Variants in CHL1 observed in about 807,000 individuals in gnomAD.
The protein encoded by CHL1 is cell adhesion molecule L1 like, also known as neural cell adhesion molecule L1-like protein.
A neutral mutation model predicts 141.9 loss-of-function variants in CHL1; 96 were observed. That is an observed-to-expected ratio of 0.68 (90% confidence interval 0.57 to 0.80). CHL1 has a LOEUF of 0.80. CHL1 is among the 30% of genes least tolerant of loss of function. CHL1 has a pLI of 0.00. For synonymous variants in CHL1, 613 were observed against 502.2 expected (o/e 1.22, Z -2.95); for missense variants, 1,820 against 1,457.2 (o/e 1.25, Z -4.05).
chr3:257,396 C>T (rs552175892), intron 2 of CHL1, among the ~76,000 whole-genome samples: 1 of 149,438 alleles, frequency 6.7e-6, no homozygotes, highest in Admixed American at 6.7e-5. Flanking sequence ...CTCTGTAGTC[C>T]AGGCTGGAGT....
chr3:297,478 A>AT (rs1231447462), intron 2 of CHL1, among the ~76,000 whole-genome samples: 1 of 152,232 alleles, frequency 6.6e-6, no homozygotes, highest in African/African-American at 2.4e-5. Context: ...TGATCTCCAA[A>AT]TTATAAATGT....
intron 2 of CHL1, among the ~76,000 whole-genome samples, chr3:284,559 G>C (rs1696959775): frequency 1.3e-5 from 2 of 152,158 alleles, no homozygotes. Flanking sequence ...GTGAAAACTG[G>C]TAAGACATTG....
chr3:397,412 G>A (rs1006337086), intron 24 of CHL1, among the ~76,000 whole-genome samples: 3 of 151,856 alleles, frequency 2.0e-5, no homozygotes, highest in Non-Finnish European at 4.4e-5. Flanking sequence ...ACTTAAAATA[G>A]CATTTCATAA....
intron 1 of CHL1, chr3:197,562 C>G (rs6442651): frequency 0.16 from 51,669 of 321,778 alleles, 5,148 homozygotes; most frequent in Non-Finnish European, 0.2. Context: ...GTGTGTGGGG[C>G]TCAGACCCCC....
chr3:337,180 C>CTTTTTT, intron 5 of CHL1, among the ~76,000 whole-genome samples: 1 of 113,288 alleles, frequency 8.8e-6, no homozygotes, highest in African/African-American at 3.4e-5. Flanking sequence ...TCCAAACATT[C>CTTTTTT]TTTTGTTTTT....
In CHL1 at chr3:382,354, C is replaced by G. The variant is rs563852408; in HGVS notation, c.1978+74C>G. On this transcript the variant is annotated intron_variant, in intron 17 of 27. Coordinates refer to ENST00000256509, the MANE Select transcript of CHL1 (RefSeq NM_006614.4). ...TAATAGCGAAGTCACTTTTTAACCA[C>G]TCTTACTGGTTTATTCTTCTTATAA... The G allele has an allele frequency of 2.0e-6, 3 of 1,472,430 alleles. No homozygotes were observed. The African/African-American group carries it at 4.2e-5, about 21-fold the overall frequency. The allele number at this position is 1,472,430 out of a possible 1,614,324, so 91.2% of individuals were successfully genotyped here. A position where few individuals can be genotyped will look rare whatever the true frequency, so the allele number is the denominator to read the frequency against.
intron 2 of CHL1, among the ~76,000 whole-genome samples, chr3:311,396 T>G (rs1034100070): frequency 2.0e-5 from 3 of 150,930 alleles, no homozygotes; most frequent in Non-Finnish European, 4.4e-5. Flanking sequence ...CAGCATACTA[T>G]AGCATCAGTA....
chr3:207,882 G>A (rs1699575907), intron 1 of CHL1, among the ~76,000 whole-genome samples: 1 of 152,152 alleles, frequency 6.6e-6, no homozygotes, highest in South Asian at 2.1e-4. Context: ...TGATTTGCTT[G>A]AAATAACATT....
At chr3:384,977 G>T (rs1406668614) in intron 19 of CHL1, among the ~76,000 whole-genome samples, 1 of 152,046 alleles carries the variant, frequency 6.6e-6, no homozygotes, top group African/African-American at 2.4e-5. Flanking sequence ...GTGAAATTAA[G>T]TTTTACAAGT....
At position 236,416 on chromosome 3, in the gene CHL1, G is replaced by A. The variant is rs930030125; in HGVS notation, c.-174-8197G>A. 7.9e-5 allele frequency among the ~76,000 whole-genome samples: 12 copies of A among 152,268 alleles called. No individual in the cohort carries two copies. In the Middle Eastern group the frequency reaches 0.01, roughly 129 times the overall value. ...TTCTAGGTCAGCCTTCTATAGGGAA[G>A]GGAAGTGTTCTTGAGAATGTGTCTT... On this transcript the variant is annotated intron_variant, in intron 1 of 27. Transcript: ENST00000256509.
intron 5 of CHL1, among the ~76,000 whole-genome samples, chr3:332,485 G>A (rs7630509): frequency 0.71 from 107,575 of 152,050 alleles, 39,476 homozygotes; most frequent in Non-Finnish European, 0.81. Context: ...AAAATGGGTA[G>A]TAAGTGAATG....
intron 2 of CHL1, among the ~76,000 whole-genome samples, chr3:248,977 A>G (rs1005931010): frequency 3.3e-5 from 5 of 152,230 alleles, no homozygotes; most frequent in African/African-American, 1.2e-4. Flanking sequence ...AAATCCAATG[A>G]AAGGAGAAAA....
intron 1 of CHL1, among the ~76,000 whole-genome samples, chr3:241,957 G>A (rs1373405895): frequency 6.6e-6 from 1 of 152,136 alleles, no homozygotes; most frequent in Non-Finnish European, 1.5e-5. Flanking sequence ...AGGATTGTAT[G>A]TCATGTTAAT....
At chr3:343,149 A>G in intron 8 of CHL1, 118 bp downstream of exon 8, 2 of 743,284 alleles carry the variant, frequency 2.7e-6, no homozygotes, top group Non-Finnish European at 4.2e-6. Context: ...TATGAAAAAC[A>G]TCTGAACTTA....
chr3:293,560 G>A (rs1211162171), intron 2 of CHL1, among the ~76,000 whole-genome samples: 1 of 151,984 alleles, frequency 6.6e-6, no homozygotes, highest in African/African-American at 2.4e-5. Context: ...CTGAGAAAAA[G>A]GAGCAAATAT....
intron 21 of CHL1, 40 bp downstream of exon 21, chr3:390,856 G>T: frequency 1.3e-6 from 2 of 1,499,494 alleles, no homozygotes; most frequent in Middle Eastern, 1.7e-4. Flanking sequence ...TGTTGAATTG[G>T]TATCTTTCCT....
At chr3:393,876 G>A (rs1005825610) in intron 23 of CHL1, among the ~76,000 whole-genome samples, 4 of 152,126 alleles carry the variant, frequency 2.6e-5, no homozygotes, top group African/African-American at 9.7e-5. Flanking sequence ...TATGGACCAA[G>A]GAAGGCATTT....
chr3:284,875 T>C (rs1442621539), intron 2 of CHL1, among the ~76,000 whole-genome samples: 1 of 152,162 alleles, frequency 6.6e-6, no homozygotes, highest in Non-Finnish European at 1.5e-5. Flanking sequence ...TATAATTCCA[T>C]TGGTAGTAGA....
intron 11 of CHL1, 129 bp from the exon 12 acceptor site, chr3:360,155 C>A: frequency 1.1e-6 from 1 of 940,464 alleles, no homozygotes; most frequent in Non-Finnish European, 1.5e-6. Flanking sequence ...AAAGAATTGG[C>A]TTCAATGAAC....
Sources: allele counts gnomAD v4.1 joint callset (sites outside exome capture counted in the v4.1 genomes callset), GRCh38; gene constraint gnomAD v4.1.1; transcripts MANE v1.5; gene names NCBI Gene and HGNC (gene_info 2026-07-23, HGNC 2026-07-21).